Variants in DSCAM observed in about 807,000 individuals in gnomAD.
DSCAM encodes the protein DS cell adhesion molecule, also known as cell adhesion molecule DSCAM.
In DSCAM, 47 loss-of-function variants were observed where a neutral mutation model predicts 217.7. The observed-to-expected ratio is 0.22, with a 90% CI of 0.17 to 0.28. The LOEUF (loss-of-function observed/expected upper bound fraction) is 0.28, where lower values mean the gene tolerates loss of function less well. DSCAM is among the 10% of genes least tolerant of loss of function. DSCAM has a pLI of 1.00. For missense variants in DSCAM, 2,080 were observed against 2,618.3 expected (o/e 0.79, Z 4.49); for synonymous variants, 1,056 against 1,015.3 (o/e 1.04, Z -0.76).
At chr21:40,521,589 T>A (rs576184131) in intron 3 of DSCAM, among the ~76,000 whole-genome samples, 83 of 152,284 alleles carry the variant, frequency 5.5e-4, no homozygotes, top group African/African-American at 1.9e-3. Flanking sequence ...CTTTTTGCTG[T>A]TGACCTGTTT....
At chr21:40,160,212 T>A (rs1001223637) in intron 16 of DSCAM, among the ~76,000 whole-genome samples, 4 of 152,172 alleles carry the variant, frequency 2.6e-5, no homozygotes, top group Non-Finnish European at 5.9e-5. Flanking sequence ...AACACACAAC[T>A]CAGAACTAGA....
At chr21:40,229,972 A>G (rs2091367178) in intron 11 of DSCAM, among the ~76,000 whole-genome samples, 1 of 152,210 alleles carries the variant, frequency 6.6e-6, no homozygotes, top group Non-Finnish European at 1.5e-5. Flanking sequence ...GAGAGTTGCT[A>G]TTACTTAATA....
At chr21:40,179,228 T>G in intron 14 of DSCAM, 134 bp from the exon 15 acceptor site, 1 of 914,590 alleles carries the variant, frequency 1.1e-6, no homozygotes, top group South Asian at 1.9e-5. Flanking sequence ...GAAAGAAAAA[T>G]TACACTCAAA....
chr21:40,578,182 TC>T lies in DSCAM; in HGVS notation c.508+114627del, dbSNP rs2076870286. 2.0e-5 allele frequency among the ~76,000 whole-genome samples: 3 copies of T among 152,242 alleles called. No individual in the cohort carries two copies. In the South Asian group the frequency reaches 6.2e-4, roughly 32 times the overall value. On this transcript the variant is annotated intron_variant, in intron 3 of 32. Coordinates refer to ENST00000400454, the MANE Select transcript of DSCAM (RefSeq NM_001389.5). ...CTAACACCGTCACAGCCTAGAGGTA[TC>T]CGGCAGTATCTAGTTAAACCCTTCT...
At chr21:40,808,396 G>T (rs78438062) in intron 1 of DSCAM, among the ~76,000 whole-genome samples, 2,158 of 152,160 alleles carry the variant, frequency 0.014, 54 homozygotes, top group East Asian at 0.12. Flanking sequence ...CCACAGAGTG[G>T]TCAAGCTCTG....
chr21:40,554,034 A>T (rs1457882848), intron 3 of DSCAM, among the ~76,000 whole-genome samples: 1 of 151,980 alleles, frequency 6.6e-6, no homozygotes, highest in East Asian at 1.9e-4. Flanking sequence ...GTCATGCTAG[A>T]TGTCCAGGCT....
chr21:40,802,571 G>A (rs1004825697), intron 1 of DSCAM, among the ~76,000 whole-genome samples: 1 of 152,218 alleles, frequency 6.6e-6, no homozygotes, highest in African/African-American at 2.4e-5. Context: ...AAGAGGTGGG[G>A]CCTTTAAAGG....
intron 1 of DSCAM, among the ~76,000 whole-genome samples, chr21:40,810,803 G>T (rs2091831214): frequency 6.6e-6 from 1 of 152,192 alleles, no homozygotes; most frequent in Non-Finnish European, 1.5e-5. Context: ...TACTCAGGAG[G>T]CTGAGGATGG....
At chr21:40,250,022 C>T (rs2073280332) in intron 11 of DSCAM, among the ~76,000 whole-genome samples, 1 of 152,196 alleles carries the variant, frequency 6.6e-6, no homozygotes, top group South Asian at 2.1e-4. Flanking sequence ...GACTTTTAAC[C>T]TTGAGAACAT....
intron 11 of DSCAM, among the ~76,000 whole-genome samples, chr21:40,269,387 G>A (rs750086259): frequency 2.0e-5 from 3 of 152,186 alleles, no homozygotes; most frequent in Non-Finnish European, 2.9e-5. Flanking sequence ...GAGCTGCTGC[G>A]TTTGATGGGT....
intron 11 of DSCAM, among the ~76,000 whole-genome samples, chr21:40,255,631 T>C (rs1309714849): frequency 2.0e-5 from 3 of 152,168 alleles, no homozygotes; most frequent in East Asian, 3.9e-4. Context: ...GAGGAGTCAG[T>C]CCATGCCTTG....
At chr21:40,203,910 G>A (rs186053217) in intron 11 of DSCAM, among the ~76,000 whole-genome samples, 1 of 152,140 alleles carries the variant, frequency 6.6e-6, no homozygotes, top group East Asian at 1.9e-4. Context: ...TAAAGGTTGA[G>A]CAATAAATAA....
chr21:40,419,996 T>A (rs2075407847), intron 3 of DSCAM, among the ~76,000 whole-genome samples: 1 of 152,050 alleles, frequency 6.6e-6, no homozygotes, highest in African/African-American at 2.4e-5. Context: ...TGCTTTTGAG[T>A]CATTAGAGAA....
intron 3 of DSCAM, among the ~76,000 whole-genome samples, chr21:40,481,057 C>A (rs371254465): frequency 6.6e-6 from 1 of 152,216 alleles, no homozygotes; most frequent in Non-Finnish European, 1.5e-5. Flanking sequence ...GCCCTTTGAC[C>A]TTGGACTTCT....
intron 1 of DSCAM, among the ~76,000 whole-genome samples, chr21:40,785,578 G>A (rs1266070863): frequency 6.6e-6 from 1 of 152,178 alleles, no homozygotes; most frequent in Non-Finnish European, 1.5e-5. Flanking sequence ...TCCTAATCTT[G>A]TACATATCTT....
At chr21:40,666,115 C>G (rs1313415053) in intron 3 of DSCAM, among the ~76,000 whole-genome samples, 1 of 152,128 alleles carries the variant, frequency 6.6e-6, no homozygotes, top group African/African-American at 2.4e-5. Context: ...CTGAGGAGAC[C>G]AACCACATCT....
chr21:40,677,475 G>A (rs914665258), intron 3 of DSCAM, among the ~76,000 whole-genome samples: 4 of 152,122 alleles, frequency 2.6e-5, no homozygotes, highest in Admixed American at 1.3e-4. Context: ...TGCAGCTTTC[G>A]ATACTGGTGT....
chr21:40,208,505 C>T (rs181942511), intron 11 of DSCAM, among the ~76,000 whole-genome samples: 10 of 152,262 alleles, frequency 6.6e-5, no homozygotes, highest in Non-Finnish European at 1.2e-4. Context: ...AAAGGGTTTT[C>T]GGTTGAGCAT....
rs1266111547 is a variant in DSCAM, at chr21:40,144,196, TAGAG to T, written c.3259+291_3259+294del. On this transcript the variant is annotated intron_variant, in intron 17 of 32. Transcript: ENST00000400454. This position sits in a 1 kb window ranked among gnomAD's most constrained non-coding sequence, Gnocchi z 4.8. ...CATTCTCGTGAGACTTCTGCAGTAATAGAGAGAGCCTTGTTTTCACTCCAGAAAA... is the reference window on the plus strand; with the variant it reads ...CATTCTCGTGAGACTTCTGCAGTAATAGAGCCTTGTTTTCACTCCAGAAAA... Among the ~76,000 whole-genome samples the T allele has an allele frequency of 1.3e-5, 2 of 152,192 alleles. No homozygotes were observed. Among genetic ancestry groups the T allele is most frequent in the Non-Finnish European group, 2.9e-5 (2 of 68,036 alleles).
Sources: allele counts gnomAD v4.1 joint callset (sites outside exome capture counted in the v4.1 genomes callset), GRCh38; gene constraint gnomAD v4.1.1; non-coding constraint Gnocchi (gnomAD v3.1); transcripts MANE v1.5; gene names NCBI Gene and HGNC (gene_info 2026-07-23, HGNC 2026-07-21).